Variants in DENND4C observed in about 807,000 individuals in gnomAD.
The protein encoded by DENND4C is DENN domain-containing protein 4C.
Under a neutral mutation model 203.0 loss-of-function variants are expected in DENND4C, and 108 were observed. The ratio of observed to expected loss-of-function variants is 0.53; its 90% CI spans 0.46 to 0.62. The LOEUF is 0.62. DENND4C is among the 20% of genes least tolerant of loss of function. The pLI, the probability that DENND4C is intolerant of heterozygous loss-of-function variation, is 0.00. For synonymous variants in DENND4C, 871 were observed against 792.4 expected, an observed-to-expected ratio of 1.10 and a Z score of -1.67; for missense variants, 2,481 against 2,301.2, an observed-to-expected ratio of 1.08 and a Z score of -1.60.
At chr9:19,237,768 C>A (rs1010206092) in intron 1 of DENND4C, among the ~76,000 whole-genome samples, 1 of 152,090 alleles carries the variant, frequency 6.6e-6, no homozygotes. Context: ...TTAATGCTAT[C>A]CTCTAGAAAT....
intron 1 of DENND4C, among the ~76,000 whole-genome samples, chr9:19,264,690 T>C (rs1830126457): frequency 6.6e-6 from 1 of 152,176 alleles, no homozygotes; most frequent in African/African-American, 2.4e-5. Context: ...GCCTTCTCTC[T>C]TTTTTTCTTA....
chr9:19,335,523 A>G (rs1242172456), intron 18 of DENND4C, among the ~76,000 whole-genome samples: 2 of 152,074 alleles, frequency 1.3e-5, no homozygotes, highest in African/African-American at 2.4e-5. Context: ...CTTACCTCCC[A>G]AAGCCCCTGG....
chr9:19,304,853 A>T (rs960443134), intron 9 of DENND4C, among the ~76,000 whole-genome samples: 4 of 149,270 alleles, frequency 2.7e-5, no homozygotes, highest in Non-Finnish European at 5.9e-5. Context: ...CCGGCCATGA[A>T]TTTTTTTTTG....
At chr9:19,253,512 A>T (rs1277740713) in intron 1 of DENND4C, among the ~76,000 whole-genome samples, 2 of 152,216 alleles carry the variant, frequency 1.3e-5, no homozygotes, top group Non-Finnish European at 2.9e-5. Context: ...GACTTTGATA[A>T]TGCTTTCTAA....
chr9:19,315,599 GTA>G (rs900901713), intron 10 of DENND4C, among the ~76,000 whole-genome samples: 1 of 149,890 alleles, frequency 6.7e-6, no homozygotes, highest in African/African-American at 2.5e-5. Flanking sequence ...GTATGTGTGT[GTA>G]TATATATACA....
Position 19,326,100 on chromosome 9 carries a change from G to A in DENND4C, c.2026G>A (p.Glu676Lys). 1 of 1,612,518 alleles carries A rather than the reference G, an allele frequency of 6.2e-7. No individual in the cohort carries two copies. The highest frequency in any genetic ancestry group is 8.5e-7 in the Non-Finnish European group (1 of 1,179,518). Residue 676 changes from glutamate to lysine, a missense_variant, in exon 15 of 33, where the codon GAA becomes AAA. Transcript: ENST00000434457. Reference sequence around the variant, plus strand: ...TTCAGCAGAAGATACCAGATTGATAGAACTAGATGATTCACAGAAAAGTGA... The same window carrying A: ...TTCAGCAGAAGATACCAGATTGATAAAACTAGATGATTCACAGAAAAGTGA... ...FDSAEDTRLI[E>K]LDDSQKSEHT...
intron 9 of DENND4C, 57 bp downstream of exon 9, chr9:19,300,388 G>A (rs1349745859): frequency 2.2e-6 from 3 of 1,381,032 alleles, no homozygotes; most frequent in South Asian, 2.0e-5. Context: ...TTACTCCAAA[G>A]GGAAATTTTC....
chr9:19,360,379 C>G lies in DENND4C; in HGVS notation c.5296C>G (p.Gln1766Glu), dbSNP rs746909041. The G allele has an allele frequency of 6.2e-7, 1 of 1,614,104 alleles. No homozygotes were observed. Among genetic ancestry groups the G allele is most frequent in the Non-Finnish European group, 8.5e-7 (1 of 1,179,986 alleles). ...QVIHTSSFINQHPIIFWNLVW... is the reference protein window; with the variant it reads ...QVIHTSSFINEHPIIFWNLVW... Reference sequence around the variant, plus strand: ...GATTCATACATCTTCTTTCATCAATCAACATCCAATCATTTTCTGGAACCT... The same window carrying G: ...GATTCATACATCTTCTTTCATCAATGAACATCCAATCATTTTCTGGAACCT... The change falls in exon 29 of 33, where the codon CAA becomes GAA. Residue 1766 changes from glutamine (Q) to glutamate (E), a missense_variant. By Grantham distance (29) the Gln-to-Glu change is conservative. This residue lies in a region of DENND4C where 2,289 missense variants were observed against 2,113.3 expected (regional missense o/e 1.08). Transcript: ENST00000434457.
chr9:19,316,585 C>G (rs1744272607), intron 11 of DENND4C, 36 bp from the exon 12 acceptor site: 1 of 1,604,982 alleles, frequency 6.2e-7, no homozygotes, highest in African/African-American at 1.3e-5. Flanking sequence ...TTAAATTTAA[C>G]ATAATACCAT....
intron 28 of DENND4C, among the ~76,000 whole-genome samples, chr9:19,359,681 G>A (rs1384455299): frequency 3.4e-5 from 5 of 149,126 alleles, no homozygotes; most frequent in Non-Finnish European, 7.4e-5. Flanking sequence ...CTGTTGATGA[G>A]AGAGTCTTAA....
chr9:19,360,974 A>G (rs1000753596), intron 29 of DENND4C, among the ~76,000 whole-genome samples: 1 of 152,126 alleles, frequency 6.6e-6, no homozygotes, highest in Non-Finnish European at 1.5e-5. Flanking sequence ...TCTGGGTTCA[A>G]GTGATTCTCC....
At chr9:19,231,373 C>A (rs1293417032) in intron 1 of DENND4C, among the ~76,000 whole-genome samples, 2 of 152,130 alleles carry the variant, frequency 1.3e-5, no homozygotes, top group Non-Finnish European at 2.9e-5. Context: ...ACATTTCCTT[C>A]TCTGTCTTAC....
chr9:19,316,838 G>C lies in DENND4C; in HGVS notation c.1806G>C (p.Gln602His), dbSNP rs1841934704. Residue 602 changes from glutamine to histidine, a missense_variant and splice_region_variant, in exon 12 of 33, where the codon CAG becomes CAC. Physicochemically the swap from Gln to His is conservative, Grantham distance 24. This residue lies in a region of DENND4C where 2,289 missense variants were observed against 2,113.3 expected (regional missense o/e 1.08). Transcript: ENST00000434457. Reference protein sequence around the residue: ...ATAADSLFDRQGFLKSRDRAY... With the variant: ...ATAADSLFDRHGFLKSRDRAY... ...CTGCTGATTCATTGTTTGACCGACA[G>C]GGTGAGTAGCATTGAAAGTACAATT... is the stretch of plus-strand genomic sequence containing the variant. 3.1e-6 allele frequency: 5 copies of C among 1,608,966 alleles called. No individual in the cohort carries two copies. Among genetic ancestry groups the C allele is most frequent in the Non-Finnish European group, 4.2e-6 (5 of 1,178,446 alleles).
At position 19,332,150 on chromosome 9, in the gene DENND4C, A is replaced by G; in HGVS notation, c.2426A>G (p.Lys809Arg). ...ALQQAYDVLI[K>R]MRKTDVDPLD... ...CAGCAGGCATATGATGTACTTATTAAGATGAGGAAAACAGATGTGGATCCC... is the reference window on the plus strand; with the variant it reads ...CAGCAGGCATATGATGTACTTATTAGGATGAGGAAAACAGATGTGGATCCC... Residue 809 changes from lysine to arginine, a missense_variant, in exon 17 of 33, where the codon AAG (lysine) becomes AGG (arginine). Coordinates refer to ENST00000434457, the MANE Select transcript of DENND4C (RefSeq NM_001330640.2). 6.2e-7 allele frequency: 1 copy of G among 1,614,014 alleles called. No individual in the cohort carries two copies. Among genetic ancestry groups the G allele is most frequent in the Non-Finnish European group, 8.5e-7 (1 of 1,179,956 alleles).
intron 1 of DENND4C, among the ~76,000 whole-genome samples, chr9:19,243,148 C>T (rs552844259): frequency 1.3e-5 from 2 of 152,298 alleles, no homozygotes; most frequent in South Asian, 4.1e-4. Flanking sequence ...TCTCCAATCC[C>T]TCTCTCCTGG....
intron 16 of DENND4C, among the ~76,000 whole-genome samples, chr9:19,329,282 A>G (rs968401101): frequency 2.0e-5 from 3 of 152,108 alleles, no homozygotes; most frequent in Non-Finnish European, 1.5e-5. Context: ...AAATTTGTCT[A>G]TTCTGAGCAT....
In DENND4C at chr9:19,326,155, C is replaced by T; in HGVS notation, c.2081C>T (p.Pro694Leu). 1 of 1,613,324 alleles carries T rather than the reference C, an allele frequency of 6.2e-7. No individual in the cohort carries two copies. Among genetic ancestry groups the T allele is most frequent in the Non-Finnish European group, 8.5e-7 (1 of 1,179,662 alleles). ...ACTGTATTTATAATGCCGCCAGAGC[C>T]ACCTCCTGATGATGGAAAGGACCTG... ...EHTVFIMPPE[P>L]PPDDGKDLSP... Residue 694 changes from proline to leucine, a missense_variant, in exon 15 of 33, where the codon CCA becomes CTA. By Grantham distance (98) the Pro-to-Leu change is moderately conservative (BLOSUM62 -3). Transcript: ENST00000434457.
intron 1 of DENND4C, among the ~76,000 whole-genome samples, chr9:19,269,064 A>G (rs527255902): frequency 9.2e-5 from 14 of 152,232 alleles, no homozygotes; most frequent in African/African-American, 3.4e-4. Flanking sequence ...CATAACTCTT[A>G]GATTTTCCCT....
chr9:19,260,846 G>C (rs1241817229), intron 1 of DENND4C, among the ~76,000 whole-genome samples: 1 of 151,980 alleles, frequency 6.6e-6, no homozygotes, highest in Admixed American at 6.6e-5. Flanking sequence ...TTTTGCTTTG[G>C]TTACCTATGC....
Sources: gnomAD v4.1 joint callset for allele counts (sites outside exome capture counted in the v4.1 genomes callset) on GRCh38, gnomAD v4.1.1 for gene constraint, gnomAD v4.1.1 regional missense constraint, MANE v1.5 for transcripts, NCBI Gene and HGNC (gene_info 2026-07-23, HGNC 2026-07-21) for gene names.